The following CHRM3 variants were observed in gnomAD, a reference collection of about 807,000 sequenced individuals.
CHRM3 encodes muscarinic acetylcholine receptor M3.
In CHRM3, 11 loss-of-function variants were observed where a neutral mutation model predicts 41.8. The ratio of observed to expected loss-of-function variants is 0.26; its 90% confidence interval spans 0.17 to 0.44. The LOEUF is 0.44. CHRM3 is among the 20% of genes least tolerant of loss of function. The pLI, the probability that CHRM3 is intolerant of heterozygous loss-of-function variation, is 1.00. For synonymous variants in CHRM3, 297 were observed against 301.4 expected (o/e 0.99, Z 0.15); for missense variants, 571 against 745.4 (o/e 0.77, Z 2.72).
intron 4 of CHRM3, among the ~76,000 whole-genome samples, chr1:239,645,766 A>T (rs1213575127): frequency 6.6e-6 from 1 of 151,782 alleles, no homozygotes; most frequent in Non-Finnish European, 1.5e-5. Flanking sequence ...AATGTAACAA[A>T]AGAACGGCCA....
intron 1 of CHRM3, among the ~76,000 whole-genome samples, chr1:239,477,036 T>A (rs888484722): frequency 6.6e-6 from 1 of 152,196 alleles, no homozygotes. Context: ...GGCTTTTGGA[T>A]CAGCATGTGC....
At chr1:239,707,542 G>T (rs545496614) in intron 5 of CHRM3, 16 of 152,144 alleles carry the variant, frequency 1.1e-4, no homozygotes, top group African/African-American at 3.9e-4. Context: ...ACCAGTGTTT[G>T]TTAGAAGGAA....
chr1:239,645,796 A>T (rs1214757690), intron 4 of CHRM3, among the ~76,000 whole-genome samples: 1 of 152,236 alleles, frequency 6.6e-6, no homozygotes, highest in Non-Finnish European at 1.5e-5. Flanking sequence ...AGGAGTAATC[A>T]GGTGAAATAA....
At position 239,914,066 on chromosome 1, in the gene CHRM3, C is replaced by A. The variant is rs1680513932; in HGVS notation, c.*4842C>A. 6.0e-6 allele frequency: 1 copy of A among 167,072 alleles called. No homozygotes were observed. Among genetic ancestry groups the A allele is most frequent in the African/African-American group, 2.4e-5 (1 of 41,452 alleles). The allele number at this position is 167,072 out of a possible 1,614,324, so 10.3% of individuals were successfully genotyped here. On this transcript the variant is annotated 3_prime_UTR_variant, in exon 7 of 7. Transcript: ENST00000676153. ...GGCCATACTCTCCACTGCAAAGAAGCATTAGTAAAACTTCCCGCACCCAAA... is the reference window on the plus strand; with the variant it reads ...GGCCATACTCTCCACTGCAAAGAAGAATTAGTAAAACTTCCCGCACCCAAA...
At chr1:239,750,144 A>G (rs1170766600) in intron 5 of CHRM3, among the ~76,000 whole-genome samples, 1 of 152,174 alleles carries the variant, frequency 6.6e-6, no homozygotes, top group Admixed American at 6.5e-5. Context: ...ATCTGTACAT[A>G]CTTTCATCAT....
intron 1 of CHRM3, among the ~76,000 whole-genome samples, chr1:239,492,504 A>G (rs1279048913): frequency 1.3e-5 from 2 of 152,150 alleles, no homozygotes; most frequent in African/African-American, 4.8e-5. Flanking sequence ...CCTTCCTCCT[A>G]GTGGATATGG....
chr1:239,400,921 C>T (rs1659915319), intron 1 of CHRM3, among the ~76,000 whole-genome samples: 1 of 152,002 alleles, frequency 6.6e-6, no homozygotes, highest in Non-Finnish European at 1.5e-5. Flanking sequence ...GAGGACTTTC[C>T]TCAGCTTAAA....
intron 4 of CHRM3, among the ~76,000 whole-genome samples, chr1:239,662,760 C>A (rs1673327627): frequency 6.6e-6 from 1 of 151,636 alleles, no homozygotes; most frequent in Admixed American, 6.6e-5. Context: ...GCTCCTCCTC[C>A]TCCTCCTCTA....
intron 3 of CHRM3, among the ~76,000 whole-genome samples, chr1:239,561,795 C>G: frequency 6.6e-6 from 1 of 152,052 alleles, no homozygotes. Context: ...ACTTTCTTCT[C>G]AGAACCTAGA....
chr1:239,402,325 T>C (rs2102985169), intron 1 of CHRM3, among the ~76,000 whole-genome samples: 1 of 152,294 alleles, frequency 6.6e-6, no homozygotes, highest in Middle Eastern at 3.4e-3. Context: ...TATTGAATTT[T>C]CCTAAACTGC....
chr1:239,528,011 A>C (rs1253201480), intron 2 of CHRM3, among the ~76,000 whole-genome samples: 1 of 152,172 alleles, frequency 6.6e-6, no homozygotes, highest in Non-Finnish European at 1.5e-5. Context: ...CAGAATGGAA[A>C]CGTGTGGGCT....
At chr1:239,880,324 G>T (rs1677480690) in intron 6 of CHRM3, among the ~76,000 whole-genome samples, 1 of 152,222 alleles carries the variant, frequency 6.6e-6, no homozygotes, top group Admixed American at 6.5e-5. Context: ...CCAGTTGGAG[G>T]GTCGCTGGTC....
intron 4 of CHRM3, among the ~76,000 whole-genome samples, chr1:239,672,427 C>A (rs569010905): frequency 2.9e-4 from 44 of 152,210 alleles, no homozygotes; most frequent in African/African-American, 1.0e-3. Flanking sequence ...CAAGAAAATG[C>A]AAATGGCATG....
chr1:239,510,102 A>T (rs1050361216), intron 2 of CHRM3, among the ~76,000 whole-genome samples: 1 of 152,200 alleles, frequency 6.6e-6, no homozygotes, highest in Non-Finnish European at 1.5e-5. Context: ...ACAAACAAAC[A>T]AAGTTTTGAG....
intron 3 of CHRM3, among the ~76,000 whole-genome samples, chr1:239,598,902 G>T (rs186122157): frequency 1.5e-5 from 2 of 132,752 alleles, no homozygotes; most frequent in African/African-American, 5.6e-5. Flanking sequence ...AGGCCACCAC[G>T]CATGGACGCT....
At chr1:239,614,152 A>G (rs1041799923) in intron 3 of CHRM3, among the ~76,000 whole-genome samples, 2 of 152,134 alleles carry the variant, frequency 1.3e-5, no homozygotes, top group African/African-American at 2.4e-5. Context: ...GGGTGACAGA[A>G]TGAGACCCTG....
At chr1:239,512,432 G>A (rs993666255) in intron 2 of CHRM3, among the ~76,000 whole-genome samples, 10 of 152,110 alleles carry the variant, frequency 6.6e-5, no homozygotes, top group Non-Finnish European at 1.0e-4. Flanking sequence ...TGAAGCAGCC[G>A]AGACCTGGGC....
chr1:239,899,892 G>T (rs1416614491), intron 6 of CHRM3: 2 of 151,434 alleles, frequency 1.3e-5, no homozygotes, highest in African/African-American at 2.5e-5. Flanking sequence ...CCAGAGAGGA[G>T]CCAGGCACCT....
chr1:239,704,234 T>A (rs1339238070), intron 5 of CHRM3: 1 of 152,180 alleles, frequency 6.6e-6, no homozygotes, highest in Non-Finnish European at 1.5e-5. Flanking sequence ...CAACCACTGA[T>A]ACAGTGTTAA....
Sources: gnomAD v4.1 joint callset for allele counts (sites outside exome capture counted in the v4.1 genomes callset) on GRCh38, gnomAD v4.1.1 for gene constraint, MANE v1.5 for transcripts, NCBI Gene and HGNC (gene_info 2026-07-23, HGNC 2026-07-21) for gene names.